Variants in VNN1 observed in about 807,000 individuals in gnomAD.
VNN1 encodes vanin 1.
In VNN1, 29 loss-of-function variants were observed where a neutral mutation model predicts 41.9. The ratio of observed to expected loss-of-function variants is 0.69; its 90% CI spans 0.52 to 0.94. VNN1 has a LOEUF of 0.94. Ranked by LOEUF, VNN1 falls within the 40% of genes least tolerant of loss-of-function variation. The pLI is 0.00. For synonymous variants in VNN1, 233 were observed against 224.4 expected, an observed-to-expected ratio of 1.04 and a Z score of -0.34; for missense variants, 637 against 621.1, an observed-to-expected ratio of 1.03 and a Z score of -0.27.
At position 132,692,147 on chromosome 6, in the gene VNN1, C is replaced by T. The variant is rs578211880; in HGVS notation, c.1188+76G>A. On this transcript the variant is annotated intron_variant, in intron 5 of 6. Transcript: ENST00000367928. Reference sequence around the variant, plus strand: ...GATATGCTTATACTAAAAAATCATTCATTATTTATCTAAACTGTATATTTA... The same window carrying T: ...GATATGCTTATACTAAAAAATCATTTATTATTTATCTAAACTGTATATTTA... 3.6e-5 allele frequency: 50 copies of T among 1,403,164 alleles called. No individual in the cohort carries two copies. In the African/African-American group the frequency reaches 7.2e-4, roughly 20 times the overall value. The allele number at this position is 1,403,164 out of a possible 1,614,324, so 86.9% of individuals were successfully genotyped here.
rs1778125792 is a variant in VNN1, at chr6:132,681,764, T to C, written c.*1376A>G. On this transcript the variant is annotated 3_prime_UTR_variant, in exon 7 of 7. Transcript: ENST00000367928. ...TTGAAAAAAAGCAAATGTCAGTTAA[T>C]GTCACCCAAAAGAACAAGGGATTTT... 6.5e-6 allele frequency: 1 copy of C among 152,780 alleles called. No individual in the cohort carries two copies. The highest frequency in any genetic ancestry group is 1.9e-4 in the East Asian group (1 of 5,178). The allele number at this position is 152,780 out of a possible 1,614,324, so 9.5% of individuals were successfully genotyped here.
chr6:132,712,243 G>A (rs538272037), intron 1 of VNN1, among the ~76,000 whole-genome samples: 99 of 150,736 alleles, frequency 6.6e-4, no homozygotes, highest in African/African-American at 2.3e-3. Context: ...TCCACCTCCC[G>A]GGTTCAAGCG....
rs572077193 is a variant in VNN1, at chr6:132,681,004, C to T, written c.*2136G>A. On this transcript the variant is annotated 3_prime_UTR_variant, in exon 7 of 7. Transcript: ENST00000367928. ...CAATCCTATTTTTTAAATTACATTG[C>T]AATATATACAGATATAAATATAAAT... 1.3e-5 allele frequency among the ~76,000 whole-genome samples: 2 copies of T among 152,142 alleles called. No individual in the cohort carries two copies. Among genetic ancestry groups the T allele is most frequent in the South Asian group, 4.1e-4 (2 of 4,820 alleles).
chr6:132,702,109 T>A (rs1032585454), intron 2 of VNN1, among the ~76,000 whole-genome samples: 5 of 152,232 alleles, frequency 3.3e-5, no homozygotes, highest in Non-Finnish European at 7.3e-5. Context: ...TGCCATGGAC[T>A]GTGGCCTGTT....
Position 132,683,161 on chromosome 6 carries a change from A to C in VNN1, c.1521T>G (p.Ile507Met), listed in dbSNP as rs1582765336. The C allele has an allele frequency of 2.5e-6, 4 of 1,610,654 alleles. No homozygotes were observed. In the East Asian group the frequency reaches 8.9e-5, roughly 36 times the overall value. Residue 507 changes from isoleucine (I) to methionine (M), a missense_variant, in exon 7 of 7, where the codon ATT becomes ATG. By Grantham distance (10) the Ile-to-Met change is conservative. Coordinates refer to ENST00000367928, the MANE Select transcript of VNN1 (RefSeq NM_004666.3). ...RIIMLIVIAP[I>M]VCSLSW ...TATTCTACCAACTTAATGAGCATAC[A>C]ATAGGTGCTATAACTATTAGCATTA...
chr6:132,711,457 A>G (rs1330731676), intron 2 of VNN1, among the ~76,000 whole-genome samples: 1 of 152,214 alleles, frequency 6.6e-6, no homozygotes, highest in Non-Finnish European at 1.5e-5. Context: ...TTTTCTGTTC[A>G]CTGGTGAGGA....
chr6:132,711,318 C>CT (rs11393185), intron 2 of VNN1, among the ~76,000 whole-genome samples: 60,356 of 151,980 alleles, frequency 0.4, 13,685 homozygotes, highest in African/African-American at 0.63. Flanking sequence ...ACTTTAAGGA[C>CT]TTTACTACAT....
rs148574188 is a variant in VNN1 at position 132,688,735 on chromosome 6, G to A, written c.1188+3488C>T. 3.9e-3 allele frequency among the ~76,000 whole-genome samples: 588 copies of A among 152,114 alleles called. 5 individuals carry two copies. The highest frequency in any genetic ancestry group is 4.2e-3 in the Non-Finnish European group (283 of 68,012). On this transcript the variant is annotated intron_variant, in intron 5 of 6. Coordinates refer to ENST00000367928, the MANE Select transcript of VNN1 (RefSeq NM_004666.3). ...GCTATATATGTTAATATAACATATG[G>A]TATATGGTAATAATTTTATGGCAAT... is the stretch of plus-strand genomic sequence containing the variant.
Position 132,693,259 on chromosome 6 carries a change from C to T in VNN1, c.591G>A (p.Val197=). The T allele has an allele frequency of 1.2e-6, 2 of 1,613,980 alleles. No individual in the cohort carries two copies. The highest frequency in any genetic ancestry group is 1.7e-6 in the Non-Finnish European group (2 of 1,179,922). ...AACTTCCAAAGGTGGTATTGAAAGT[C>T]ACAATCTCAGGCTCCTTGGGTACAT... ...QFNVPKEPEI[V]TFNTTFGSFG... is the part of the protein sequence containing the mutation. Residue 197 remains valine (V), a synonymous_variant, in exon 4 of 7, where the codon GTG becomes GTA. Transcript: ENST00000367928.
intron 5 of VNN1, among the ~76,000 whole-genome samples, chr6:132,688,616 T>C (rs879933028): frequency 1.6e-4 from 25 of 152,160 alleles, no homozygotes; most frequent in Non-Finnish European, 3.1e-4. Flanking sequence ...TGTGACCAAC[T>C]TTTTTTAACT....
At chr6:132,712,237 C>T (rs1487571819) in intron 1 of VNN1, among the ~76,000 whole-genome samples, 5 of 151,164 alleles carry the variant, frequency 3.3e-5, no homozygotes, top group Non-Finnish European at 7.4e-5. Context: ...ACAATCTCCA[C>T]CTCCCGGGTT....
At chr6:132,696,852 C>T (rs1200543362) in intron 2 of VNN1, among the ~76,000 whole-genome samples, 1 of 151,934 alleles carries the variant, frequency 6.6e-6, no homozygotes, top group Non-Finnish European at 1.5e-5. Flanking sequence ...GCCTGTAATC[C>T]TAGCACTTTG....
chr6:132,699,936 C>T (rs1027693871), intron 2 of VNN1, among the ~76,000 whole-genome samples: 3 of 152,152 alleles, frequency 2.0e-5, no homozygotes, highest in African/African-American at 7.2e-5. Context: ...AAAACAGCAT[C>T]TTTCTTAATA....
intron 2 of VNN1, among the ~76,000 whole-genome samples, chr6:132,694,461 G>T (rs45568334): frequency 2.0e-5 from 3 of 152,058 alleles, no homozygotes; most frequent in African/African-American, 7.2e-5. Flanking sequence ...TTTCACTTAC[G>T]TGTTTGTCTT....
Position 132,694,089 on chromosome 6 carries a change from G to A in VNN1, c.435C>T (p.Cys145=), listed in dbSNP as rs376241655. 2.1e-5 allele frequency: 34 copies of A among 1,613,944 alleles called. No individual in the cohort carries two copies. The highest frequency in any genetic ancestry group is 1.0e-4 in the Admixed American group (6 of 59,994). ...GGGGACACTGAGGATCACTGGTATCGCATGGCTTCTTGTCCCCAATATTTG... is the reference window on the plus strand; with the variant it reads ...GGGGACACTGAGGATCACTGGTATCACATGGCTTCTTGTCCCCAATATTTG... The part of the protein sequence containing the change: ...VVANIGDKKP[C]DTSDPQCPPD... The change falls in exon 3 of 7, where the codon TGC becomes TGT. Residue 145 remains cysteine, a synonymous_variant. Coordinates refer to ENST00000367928, the MANE Select transcript of VNN1 (RefSeq NM_004666.3).
Position 132,692,302 on chromosome 6 carries a change from G to A in VNN1, c.1109C>T (p.Ser370Phe). 6.2e-7 allele frequency: 1 copy of A among 1,614,140 alleles called. No homozygotes were observed. The highest frequency in any genetic ancestry group is 8.5e-7 in the Non-Finnish European group (1 of 1,180,006). Residue 370 changes from serine to phenylalanine, a missense_variant, in exon 5 of 7, where the codon TCT becomes TTT. Coordinates refer to ENST00000367928, the MANE Select transcript of VNN1 (RefSeq NM_004666.3). Reference sequence around the variant, plus strand: ...GTACACTTCATTTGGTATGTTCTCAGACATTTTGTAGCTTAAATGACAGCA... The same window carrying A: ...GTACACTTCATTTGGTATGTTCTCAAACATTTTGTAGCTTAAATGACAGCA... ...DLCCHLSYKM[S>F]ENIPNEVYAL...
chr6:132,689,584 T>G (rs971285069), intron 5 of VNN1, among the ~76,000 whole-genome samples: 3 of 152,206 alleles, frequency 2.0e-5, no homozygotes, highest in African/African-American at 7.2e-5. Flanking sequence ...TTTTTAAATT[T>G]TCCTTTATTT....
intron 5 of VNN1, among the ~76,000 whole-genome samples, chr6:132,685,508 T>A (rs73559723): frequency 0.028 from 4,243 of 152,042 alleles, 196 homozygotes; most frequent in African/African-American, 0.097. Flanking sequence ...AAGAACACTA[T>A]TTTTTTTAAC....
chr6:132,692,684 C>T, intron 4 of VNN1, 100 bp from the exon 5 acceptor site: 1 of 1,391,506 alleles, frequency 7.2e-7, no homozygotes, highest in African/African-American at 1.4e-5. Context: ...ATTTTACTCT[C>T]TCTAAGTTAT....
Sources: gnomAD v4.1 joint callset for allele counts (sites outside exome capture counted in the v4.1 genomes callset) on GRCh38, gnomAD v4.1.1 for gene constraint, MANE v1.5 for transcripts, NCBI Gene and HGNC (gene_info 2026-07-23, HGNC 2026-07-21) for gene names.